The following GPC5 variants were observed in gnomAD, a reference collection of about 807,000 sequenced individuals.
GPC5 encodes the protein glypican 5, also known as glypican-5.
In GPC5, 47 loss-of-function variants were observed where a neutral mutation model predicts 53.9. The ratio of observed to expected loss-of-function variants is 0.87; its 90% confidence interval spans 0.69 to 1.11. The LOEUF (loss-of-function observed/expected upper bound fraction) is 1.11, where lower values mean the gene tolerates loss of function less well. Ranked by LOEUF, GPC5 falls within the 50% of genes most tolerant of loss-of-function variation. The pLI, the probability that GPC5 is intolerant of heterozygous loss-of-function variation, is 0.00. For synonymous variants in GPC5, 286 were observed against 263.3 expected, an observed-to-expected ratio of 1.09 and a Z score of -0.84; for missense variants, 748 against 713.1, an observed-to-expected ratio of 1.05 and a Z score of -0.56.
At chr13:92,127,937 A>T (rs1356823640) in intron 6 of GPC5, among the ~76,000 whole-genome samples, 3 of 152,234 alleles carry the variant, frequency 2.0e-5, no homozygotes, top group Non-Finnish European at 4.4e-5. Flanking sequence ...ATTTGAGTCA[A>T]CAAAATTTCA....
chr13:92,561,100 A>C (rs1038909443), intron 7 of GPC5, among the ~76,000 whole-genome samples: 1 of 151,980 alleles, frequency 6.6e-6, no homozygotes. Context: ...TTGGCTAGTT[A>C]TGCATGGGAG....
intron 7 of GPC5, among the ~76,000 whole-genome samples, chr13:92,786,338 A>C (rs1876231534): frequency 1.3e-5 from 2 of 152,208 alleles, no homozygotes; most frequent in South Asian, 4.1e-4. Flanking sequence ...AAAGATGTGT[A>C]TGATTTTGAC....
intron 6 of GPC5, among the ~76,000 whole-genome samples, chr13:91,992,842 A>G (rs2040469465): frequency 6.6e-6 from 1 of 152,194 alleles, no homozygotes; most frequent in East Asian, 1.9e-4. Flanking sequence ...AATGGTAACT[A>G]CAGTAATATT....
intron 2 of GPC5, among the ~76,000 whole-genome samples, chr13:91,507,735 G>T (rs897745710): frequency 6.6e-6 from 1 of 151,974 alleles, no homozygotes; most frequent in African/African-American, 2.4e-5. Context: ...TCACATTGAG[G>T]GGTTAGGTTT....
chr13:91,664,433 C>T (rs868027872), intron 2 of GPC5, among the ~76,000 whole-genome samples: 16 of 152,346 alleles, frequency 1.1e-4, no homozygotes, highest in South Asian at 2.1e-4. Context: ...GTTTTGTCCT[C>T]CACACATCAC....
chr13:91,921,502 A>G (rs1405794433), intron 6 of GPC5, among the ~76,000 whole-genome samples: 1 of 152,206 alleles, frequency 6.6e-6, no homozygotes, highest in Non-Finnish European at 1.5e-5. Context: ...AAGATGTGAC[A>G]GATACAAGAA....
At chr13:91,413,116 A>G (rs1489375495) in intron 1 of GPC5, among the ~76,000 whole-genome samples, 1 of 152,098 alleles carries the variant, frequency 6.6e-6, no homozygotes, top group Non-Finnish European at 1.5e-5. Flanking sequence ...CTCCATCTCT[A>G]CAAAAAATTA....
At chr13:92,715,381 A>G (rs1566380457) in intron 7 of GPC5, among the ~76,000 whole-genome samples, 1 of 152,154 alleles carries the variant, frequency 6.6e-6, no homozygotes, top group Non-Finnish European at 1.5e-5. Context: ...ATTTCCTCCT[A>G]TTTCTCCCTT....
intron 7 of GPC5, among the ~76,000 whole-genome samples, chr13:92,461,589 T>C (rs1399971705): frequency 1.3e-5 from 2 of 152,228 alleles, no homozygotes; most frequent in African/African-American, 4.8e-5. Flanking sequence ...CCCAATGTGA[T>C]AGTAACTGGA....
chr13:92,154,252 C>T (rs997370011), intron 7 of GPC5, among the ~76,000 whole-genome samples: 1 of 152,124 alleles, frequency 6.6e-6, no homozygotes, highest in African/African-American at 2.4e-5. Context: ...ATGAGGAATC[C>T]TTCCCCATGA....
intron 7 of GPC5, among the ~76,000 whole-genome samples, chr13:92,301,120 A>G (rs1418234461): frequency 2.0e-5 from 3 of 152,234 alleles, no homozygotes; most frequent in Non-Finnish European, 4.4e-5. Context: ...ATTATCTGCA[A>G]ATGAAACCTC....
chr13:92,283,600 G>T (rs9523592), intron 7 of GPC5, among the ~76,000 whole-genome samples: 2 of 152,198 alleles, frequency 1.3e-5, no homozygotes, highest in Admixed American at 6.5e-5. Context: ...CCTCAAAACC[G>T]CTCAACTACA....
chr13:91,849,223 A>T (rs1288597892), intron 5 of GPC5, among the ~76,000 whole-genome samples: 1 of 152,108 alleles, frequency 6.6e-6, no homozygotes, highest in East Asian at 1.9e-4. Context: ...TTTTCAGCCC[A>T]CTACTACCTG....
chr13:92,812,026 G>A (rs997656457), intron 7 of GPC5, among the ~76,000 whole-genome samples: 1 of 151,914 alleles, frequency 6.6e-6, no homozygotes, highest in African/African-American at 2.4e-5. Context: ...GTGATGAAGT[G>A]TGAGTTCTCC....
chr13:91,879,121 C>G (rs2039237190), intron 5 of GPC5, among the ~76,000 whole-genome samples: 2 of 151,922 alleles, frequency 1.3e-5, no homozygotes, highest in African/African-American at 4.8e-5. Flanking sequence ...CATGTACTCT[C>G]TTTTTCATAT....
chr13:91,779,544 A>G (rs958460463), intron 5 of GPC5, among the ~76,000 whole-genome samples: 5 of 152,188 alleles, frequency 3.3e-5, no homozygotes, highest in African/African-American at 7.2e-5. Context: ...TATTTTTTGT[A>G]GAAGCAGAGT....
chr13:92,586,553 G>A (rs565970549), intron 7 of GPC5, among the ~76,000 whole-genome samples: 40 of 152,280 alleles, frequency 2.6e-4, no homozygotes, highest in African/African-American at 8.7e-4. Flanking sequence ...AGAATGAACT[G>A]GAGCAATGAA....
At chr13:91,803,144 C>T (rs1436793876) in intron 5 of GPC5, among the ~76,000 whole-genome samples, 2 of 152,084 alleles carry the variant, frequency 1.3e-5, no homozygotes, top group African/African-American at 4.8e-5. Flanking sequence ...TTGTCATTAA[C>T]TAAATGATTA....
At chr13:92,354,720 A>G (rs1189357690) in intron 7 of GPC5, among the ~76,000 whole-genome samples, 1 of 152,212 alleles carries the variant, frequency 6.6e-6, no homozygotes, top group Non-Finnish European at 1.5e-5. Flanking sequence ...ATGAGATGGG[A>G]TTTAAGCTGA....
Sources: gnomAD v4.1 joint callset for allele counts (sites outside exome capture counted in the v4.1 genomes callset) on GRCh38, gnomAD v4.1.1 for gene constraint, MANE v1.5 for transcripts, NCBI Gene and HGNC (gene_info 2026-07-23, HGNC 2026-07-21) for gene names.